The following FBXL17 variants were observed in gnomAD, a reference collection of about 807,000 sequenced individuals.
FBXL17 encodes F-box and leucine rich repeat protein 17.
FBXL17 carries 22 observed loss-of-function variants against 66.2 expected under a neutral mutation model. The ratio of observed to expected loss-of-function variants is 0.33; its 90% CI spans 0.24 to 0.47. FBXL17 has a LOEUF of 0.47. Among genes scored for constraint, FBXL17 ranks in the 20% least tolerant of loss-of-function variants. The pLI is 1.00. For missense variants in FBXL17, 878 were observed against 948.2 expected, an observed-to-expected ratio of 0.93 and a Z score of 0.97; for synonymous variants, 474 against 400.5, an observed-to-expected ratio of 1.18 and a Z score of -2.19.
At chr5:108,144,515 C>T (rs1320706012) in intron 6 of FBXL17, among the ~76,000 whole-genome samples, 1 of 152,170 alleles carries the variant, frequency 6.6e-6, no homozygotes, top group East Asian at 1.9e-4. Flanking sequence ...GATTTGGCTA[C>T]TTGCCAAGGG....
chr5:108,074,993 T>A (rs286793), intron 6 of FBXL17, among the ~76,000 whole-genome samples: 14,631 of 152,236 alleles, frequency 0.096, 2,383 homozygotes, highest in African/African-American at 0.33. Flanking sequence ...AAAGGATTGC[T>A]CTGTCCAGTC....
chr5:108,129,416 C>G (rs1307692093), intron 6 of FBXL17, among the ~76,000 whole-genome samples: 5 of 152,060 alleles, frequency 3.3e-5, no homozygotes, highest in Admixed American at 3.3e-4. Context: ...GATTTACACT[C>G]TTAAAATAGA....
chr5:107,884,311 C>T (rs1748890193), intron 7 of FBXL17, among the ~76,000 whole-genome samples: 1 of 152,264 alleles, frequency 6.6e-6, no homozygotes, highest in East Asian at 1.9e-4. Flanking sequence ...AACAGCTCTG[C>T]AGAACAATAA....
intron 6 of FBXL17, among the ~76,000 whole-genome samples, chr5:108,089,981 C>T (rs995686432): frequency 6.6e-6 from 1 of 152,018 alleles, no homozygotes; most frequent in African/African-American, 2.4e-5. Flanking sequence ...GTGTGTGCCA[C>T]TATACCCAGC....
intron 7 of FBXL17, among the ~76,000 whole-genome samples, chr5:107,892,814 G>A (rs1749239246): frequency 6.6e-6 from 1 of 152,192 alleles, no homozygotes; most frequent in South Asian, 2.1e-4. Context: ...GTAGATATTT[G>A]CAATGATTTT....
intron 8 of FBXL17, chr5:107,879,445 C>A: frequency 1.0e-6 from 1 of 985,434 alleles, no homozygotes; most frequent in South Asian, 4.7e-5. Context: ...TTGTGGGAGA[C>A]TCGCAAGCCC....
chr5:107,881,679 T>C (rs1378584440), intron 7 of FBXL17, among the ~76,000 whole-genome samples: 2 of 152,206 alleles, frequency 1.3e-5, no homozygotes, highest in Non-Finnish European at 2.9e-5. Flanking sequence ...TATAAAATAT[T>C]TTTCACATTA....
chr5:108,238,245 C>G (rs1755692985), intron 4 of FBXL17, among the ~76,000 whole-genome samples: 1 of 152,150 alleles, frequency 6.6e-6, no homozygotes, highest in African/African-American at 2.4e-5. Flanking sequence ...TTAATGAAAA[C>G]TTCATATCTA....
chr5:107,967,990 C>T (rs911238232), intron 7 of FBXL17, among the ~76,000 whole-genome samples: 9 of 152,088 alleles, frequency 5.9e-5, no homozygotes, highest in African/African-American at 2.2e-4. Context: ...CTTAAAAAAG[C>T]TATTCCAGTT....
At chr5:107,890,666 G>GAAA (rs35872433) in intron 7 of FBXL17, among the ~76,000 whole-genome samples, 1 of 127,184 alleles carries the variant, frequency 7.9e-6, no homozygotes, top group Non-Finnish European at 1.7e-5. Context: ...CTTGTCTTAG[G>GAAA]AAAAAAAAAA....
intron 6 of FBXL17, among the ~76,000 whole-genome samples, chr5:108,114,488 A>T (rs1408232062): frequency 6.6e-6 from 1 of 152,244 alleles, no homozygotes; most frequent in Non-Finnish European, 1.5e-5. Context: ...TTTTATAGCC[A>T]ATAATGAGAA....
At chr5:108,229,308 T>A (rs1013805615) in intron 4 of FBXL17, among the ~76,000 whole-genome samples, 7 of 151,926 alleles carry the variant, frequency 4.6e-5, no homozygotes, top group Non-Finnish European at 8.8e-5. Flanking sequence ...ACATTACAAG[T>A]TCAAACTATA....
intron 1 of FBXL17, among the ~76,000 whole-genome samples, chr5:108,377,416 C>T (rs1335184245): frequency 6.6e-6 from 1 of 152,224 alleles, no homozygotes; most frequent in Non-Finnish European, 1.5e-5. Context: ...AAGTTCAGTA[C>T]ATTTTATCGA....
chr5:107,940,700 T>C (rs943777865), intron 7 of FBXL17, among the ~76,000 whole-genome samples: 2 of 152,156 alleles, frequency 1.3e-5, no homozygotes, highest in African/African-American at 4.8e-5. Flanking sequence ...TTAAATGCCT[T>C]GCTCCTTAGT....
intron 5 of FBXL17, among the ~76,000 whole-genome samples, chr5:108,188,966 T>C (rs979604488): frequency 3.9e-5 from 6 of 152,208 alleles, no homozygotes; most frequent in Non-Finnish European, 8.8e-5. Context: ...AGGGCTGATA[T>C]GAACGCTCTT....
intron 6 of FBXL17, among the ~76,000 whole-genome samples, chr5:108,087,857 A>T (rs1749030484): frequency 6.6e-6 from 1 of 152,212 alleles, no homozygotes; most frequent in South Asian, 2.1e-4. Flanking sequence ...AAATTGAAGT[A>T]ATACAATTAA....
intron 6 of FBXL17, among the ~76,000 whole-genome samples, chr5:108,028,839 G>A (rs944384842): frequency 6.6e-6 from 1 of 152,100 alleles, no homozygotes; most frequent in Admixed American, 6.5e-5. Flanking sequence ...TTTCTCACTT[G>A]AGCTAAGAAT....
chr5:108,000,305 G>A (rs1753669489), intron 7 of FBXL17, among the ~76,000 whole-genome samples: 1 of 152,172 alleles, frequency 6.6e-6, no homozygotes, highest in Non-Finnish European at 1.5e-5. Flanking sequence ...GCTTCACCAG[G>A]CCAAGGTGAA....
intron 6 of FBXL17, among the ~76,000 whole-genome samples, chr5:108,043,985 T>C (rs1202901412): frequency 6.6e-6 from 1 of 152,238 alleles, no homozygotes; most frequent in Non-Finnish European, 1.5e-5. Context: ...TTAATTTTGG[T>C]GTCCACATGC....
Sources: allele counts gnomAD v4.1 joint callset (sites outside exome capture counted in the v4.1 genomes callset), GRCh38; gene constraint gnomAD v4.1.1; transcripts MANE v1.5; gene names NCBI Gene and HGNC (gene_info 2026-07-23, HGNC 2026-07-21).